Variants in L3MBTL4 observed in about 807,000 individuals in gnomAD.
L3MBTL4 encodes the protein lethal(3)malignant brain tumor-like protein 4.
In L3MBTL4, 70 loss-of-function variants were observed where a neutral mutation model predicts 84.5. The observed-to-expected ratio is 0.83, with a 90% CI of 0.68 to 1.01. L3MBTL4 has a LOEUF of 1.01. L3MBTL4 is among the 50% of genes least tolerant of loss of function. The pLI is 0.00. For missense variants in L3MBTL4, 715 were observed against 754.8 expected (o/e 0.95, Z 0.62); for synonymous variants, 274 against 259.8 (o/e 1.05, Z -0.52).
intron 16 of L3MBTL4, among the ~76,000 whole-genome samples, chr18:6,060,304 A>G (rs2057163935): frequency 6.6e-6 from 1 of 151,944 alleles, no homozygotes; most frequent in South Asian, 2.1e-4. Context: ...AGTTTGTCCT[A>G]TTCCTCTATG....
At chr18:6,118,284 C>T (rs1184816570) in intron 14 of L3MBTL4, among the ~76,000 whole-genome samples, 9 of 151,538 alleles carry the variant, frequency 5.9e-5, no homozygotes. Flanking sequence ...TCCTATCCCC[C>T]TTTGTTTGGT....
chr18:6,298,699 C>G (rs933792829), intron 4 of L3MBTL4, among the ~76,000 whole-genome samples: 14 of 152,062 alleles, frequency 9.2e-5, no homozygotes, highest in African/African-American at 3.1e-4. Context: ...ATGGTGAAAC[C>G]CCATCTCTAC....
chr18:6,290,525 A>T (rs984911107), intron 4 of L3MBTL4, among the ~76,000 whole-genome samples: 3 of 138,048 alleles, frequency 2.2e-5, no homozygotes, highest in African/African-American at 5.5e-5. Context: ...GAATTCTTTT[A>T]TTTTTTTTTT....
At chr18:6,045,077 C>T (rs917752359) in intron 16 of L3MBTL4, among the ~76,000 whole-genome samples, 4 of 152,096 alleles carry the variant, frequency 2.6e-5, no homozygotes, top group Non-Finnish European at 5.9e-5. Context: ...AAGAAGAAAG[C>T]AAAAACAATA....
chr18:6,078,296 G>A (rs150129322), intron 16 of L3MBTL4, among the ~76,000 whole-genome samples: 241 of 151,034 alleles, frequency 1.6e-3, no homozygotes, highest in African/African-American at 5.6e-3. Flanking sequence ...ATGTGGCGGT[G>A]TGAGCCTGTA....
At chr18:5,958,062 GAGAAGAAGAAGAAGAAGAAGAAGA>G (rs563678931) in intron 18 of L3MBTL4, among the ~76,000 whole-genome samples, 92 of 93,222 alleles carry the variant, frequency 9.9e-4, no homozygotes, top group South Asian at 2.2e-3. Flanking sequence ...GAAGGAGAAG[GAGAAGAAGAAGAAGAAGAAGAAGA>G]AGAAGAAGAA....
rs2053581513 is a variant in L3MBTL4, at chr18:6,359,376, C to CA, written c.-90-47321dup. On this transcript the variant is annotated intron_variant, in intron 1 of 18. Transcript: ENST00000317931. ...AGGAGAATGGCTTGAATCCGGGAGG[C>CA]AGAGGTTGCAGTGAGCTGAGATCAT... Among the ~76,000 whole-genome samples, 3 of 152,222 alleles carry CA rather than the reference C, an allele frequency of 2.0e-5. No homozygotes were observed. The South Asian group carries it at 6.2e-4, about 32-fold the overall frequency.
Position 6,411,715 on chromosome 18 carries a change from T to C in L3MBTL4, c.-91+3086A>G, listed in dbSNP as rs191530350. Among the ~76,000 whole-genome samples the C allele has an allele frequency of 1.8e-3, 267 of 152,258 alleles. 1 individual carries two copies. Among genetic ancestry groups the C allele is most frequent in the African/African-American group, 6.3e-3 (260 of 41,562 alleles). ...TCTCTCAATGCTAGTTTAGTCACCC[T>C]AACACATGCTTTTTAGGATCACCCC... On this transcript the variant is annotated intron_variant, in intron 1 of 18. Coordinates refer to ENST00000317931, the MANE Select transcript of L3MBTL4 (RefSeq NM_001330559.2).
At chr18:6,223,068 G>A (rs1211307456) in intron 10 of L3MBTL4, among the ~76,000 whole-genome samples, 1 of 151,750 alleles carries the variant, frequency 6.6e-6, no homozygotes, top group African/African-American at 2.4e-5. Flanking sequence ...ATGTGTTCAT[G>A]AAACATCTAG....
intron 16 of L3MBTL4, among the ~76,000 whole-genome samples, chr18:6,006,319 G>C (rs984985877): frequency 6.6e-6 from 1 of 152,174 alleles, no homozygotes; most frequent in Admixed American, 6.5e-5. Context: ...GGAGAAAAAA[G>C]GGAGGCATGA....
chr18:6,126,527 C>T (rs2059700417), intron 14 of L3MBTL4, among the ~76,000 whole-genome samples: 1 of 152,102 alleles, frequency 6.6e-6, no homozygotes, highest in Non-Finnish European at 1.5e-5. Context: ...GAATGTTGCA[C>T]TTAATAAAAT....
At chr18:6,223,603 C>T (rs541868601) in intron 10 of L3MBTL4, among the ~76,000 whole-genome samples, 1 of 152,260 alleles carries the variant, frequency 6.6e-6, no homozygotes, top group East Asian at 1.9e-4. Flanking sequence ...TGAGAATCCA[C>T]AAAATACGTA....
intron 14 of L3MBTL4, among the ~76,000 whole-genome samples, chr18:6,093,969 G>A (rs981792055): frequency 2.6e-5 from 4 of 152,198 alleles, no homozygotes; most frequent in African/African-American, 9.7e-5. Context: ...TAATATTCAT[G>A]TATGCAGAAA....
chr18:6,298,197 GT>G (rs1049362094), intron 4 of L3MBTL4, among the ~76,000 whole-genome samples: 5 of 152,070 alleles, frequency 3.3e-5, no homozygotes, highest in African/African-American at 1.2e-4. Context: ...AGTATGAGCA[GT>G]TTTTTTAAAT....
chr18:6,169,199 G>A (rs1270372804), intron 13 of L3MBTL4, among the ~76,000 whole-genome samples: 1 of 152,156 alleles, frequency 6.6e-6, no homozygotes, highest in African/African-American at 2.4e-5. Flanking sequence ...GAGAGGATGT[G>A]GAGAAATGGG....
At chr18:6,082,252 G>A (rs1413049207) in intron 15 of L3MBTL4, 5 of 151,358 alleles carry the variant, frequency 3.3e-5, no homozygotes, top group African/African-American at 4.9e-5. Flanking sequence ...TATTCTCATC[G>A]ATTCAATATA....
intron 18 of L3MBTL4, among the ~76,000 whole-genome samples, chr18:5,957,775 G>A (rs1250786294): frequency 6.6e-6 from 1 of 151,600 alleles, no homozygotes; most frequent in Non-Finnish European, 1.5e-5. Flanking sequence ...GGCCAACATG[G>A]TGAGACCCCC....
At chr18:6,284,144 G>A (rs562272176) in intron 4 of L3MBTL4, among the ~76,000 whole-genome samples, 1 of 152,164 alleles carries the variant, frequency 6.6e-6, no homozygotes, top group Non-Finnish European at 1.5e-5. Context: ...TTATGCATAC[G>A]AAGTCAGGAG....
intron 13 of L3MBTL4, among the ~76,000 whole-genome samples, chr18:6,151,760 A>C (rs2042907685): frequency 6.6e-6 from 1 of 152,236 alleles, no homozygotes; most frequent in African/African-American, 2.4e-5. Context: ...GTGATGTGAT[A>C]AACATATATA....
Sources: allele counts gnomAD v4.1 joint callset (sites outside exome capture counted in the v4.1 genomes callset), GRCh38; gene constraint gnomAD v4.1.1; transcripts MANE v1.5; gene names NCBI Gene and HGNC (gene_info 2026-07-23, HGNC 2026-07-21).